NFAT5: variants seen among roughly 807,000 people sequenced by gnomAD.
NFAT5 encodes nuclear factor of activated T cells 5.
Under a neutral mutation model 166.5 loss-of-function variants are expected in NFAT5, and 31 were observed. That is an observed-to-expected ratio of 0.19 (90% CI 0.14 to 0.25). The LOEUF (loss-of-function observed/expected upper bound fraction) is 0.25, where lower values mean the gene tolerates loss of function less well. Ranked by LOEUF, NFAT5 falls within the 10% of genes least tolerant of loss-of-function variation. The probability of loss-of-function intolerance (pLI) is 1.00; values close to 1 mark genes in which losing one functional copy is unlikely to be tolerated. For missense variants in NFAT5, 1,449 were observed against 1,821.8 expected, an observed-to-expected ratio of 0.80 and a Z score of 3.72; for synonymous variants, 612 against 639.7, an observed-to-expected ratio of 0.96 and a Z score of 0.65.
At chr16:69,611,482 TTGTC>T (rs2033700400) in intron 2 of NFAT5, among the ~76,000 whole-genome samples, 1 of 152,220 alleles carries the variant, frequency 6.6e-6, no homozygotes, top group Non-Finnish European at 1.5e-5. Flanking sequence ...CTTAGTCTGT[TTGTC>T]AGCTATAACA....
intron 3 of NFAT5, among the ~76,000 whole-genome samples, chr16:69,644,604 A>G (rs1315750807): frequency 1.3e-5 from 2 of 152,206 alleles, no homozygotes; most frequent in Non-Finnish European, 2.9e-5. Flanking sequence ...ACACACACTT[A>G]TGTCTGACTG....
chr16:69,622,687 T>G (rs1264153197), intron 2 of NFAT5, among the ~76,000 whole-genome samples: 1 of 152,178 alleles, frequency 6.6e-6, no homozygotes, highest in Non-Finnish European at 1.5e-5. Context: ...GAAATGGAGA[T>G]AAAATCCTGA....
At chr16:69,694,479 T>A (rs536646086) in intron 13 of NFAT5, among the ~76,000 whole-genome samples, 2 of 152,288 alleles carry the variant, frequency 1.3e-5, no homozygotes, top group Admixed American at 1.3e-4. Flanking sequence ...GGTGTTGAAT[T>A]TTTGACCTCA....
Position 69,692,329 on chromosome 16 carries a change from A to G in NFAT5, c.2504A>G (p.Asp835Gly), listed in dbSNP as rs1335921240. ...QLSSVLFSAP[D>G]GNENVQEQLS... ...TCTTCAGTTTTATTTTCTGCTCCAG[A>G]TGGTAATGAGAATGTTCAAGAGCAG... The change falls in exon 13 of 15, where the codon GAT becomes GGT. Residue 835 changes from aspartate to glycine, a missense_variant. Asp to Gly is a moderately conservative substitution (Grantham distance 94). This residue lies in a region of NFAT5 where 891 missense variants were observed against 993.0 expected (regional missense o/e 0.90). Transcript: ENST00000349945. 6.8e-6 allele frequency: 11 copies of G among 1,614,184 alleles called. No homozygotes were observed. The highest frequency in any genetic ancestry group is 8.5e-6 in the Non-Finnish European group (10 of 1,180,040).
chr16:69,650,607 T>C (rs1224774493), intron 4 of NFAT5, among the ~76,000 whole-genome samples: 1 of 152,156 alleles, frequency 6.6e-6, no homozygotes, highest in Non-Finnish European at 1.5e-5. Flanking sequence ...CTAGCATAAG[T>C]GAGTATAAAA....
chr16:69,566,340 A>C lies in NFAT5; in HGVS notation c.39A>C (p.Leu13=), dbSNP rs373280302. 170 of 1,607,140 alleles carry C rather than the reference A, an allele frequency of 1.1e-4. No homozygotes were observed. The highest frequency in any genetic ancestry group is 1.6e-4 in the Middle Eastern group (1 of 6,062). The part of the protein sequence containing the change: ...SDFISLLSAD[L]DLESPKSLYS... ...TCATCTCATTGCTCAGCGCGGACCT[A>C]GACCTGGAATCGCCCAAGTCCCTCT... is the stretch of plus-strand genomic sequence containing the variant. Residue 13 remains leucine (L), a synonymous_variant, in exon 1 of 15, where the codon CTA becomes CTC. Transcript: ENST00000349945. This position sits in a 1 kb window ranked among gnomAD's most constrained non-coding sequence, Gnocchi z 5.7.
intron 2 of NFAT5, among the ~76,000 whole-genome samples, chr16:69,603,586 TA>T (rs1329329749): frequency 1.3e-5 from 2 of 151,772 alleles, no homozygotes; most frequent in Non-Finnish European, 1.5e-5. Flanking sequence ...ACCTCATCTC[TA>T]AAAAAAATAC....
intron 7 of NFAT5, 33 bp from the exon 8 acceptor site, chr16:69,669,944 T>G (rs755411505): frequency 6.6e-7 from 1 of 1,518,716 alleles, no homozygotes; most frequent in Non-Finnish European, 8.8e-7. Context: ...GTTTTGGTGG[T>G]TCTTCTTATA....
chr16:69,660,975 A>G (rs532421098), intron 7 of NFAT5, among the ~76,000 whole-genome samples: 3 of 151,384 alleles, frequency 2.0e-5, no homozygotes, highest in Admixed American at 2.0e-4. Context: ...GCACCTGGCT[A>G]ATTTTTGTAT....
Position 69,677,277 on chromosome 16 carries a change from A to G in NFAT5, c.1632A>G (p.Val544=), listed in dbSNP as rs753703839. The stretch of plus-strand genomic sequence containing the variant: ...TGCCTGTGTCAGTGGGAATATATGT[A>G]GTGACAAATGCTGGAAGATCTCATG... The part of the protein sequence containing the change: ...ITLPVSVGIY[V]VTNAGRSHDV... The change falls in exon 10 of 15, where the codon GTA becomes GTG. Residue 544 remains valine (V), a synonymous_variant. Coordinates refer to ENST00000349945, the MANE Select transcript of NFAT5 (RefSeq NM_138713.4). The G allele has an allele frequency of 2.3e-5, 37 of 1,612,230 alleles. No homozygotes were observed. Among genetic ancestry groups the G allele is most frequent in the South Asian group, 5.5e-5 (5 of 90,616 alleles).
chr16:69,604,821 T>C (rs886318404), intron 2 of NFAT5, among the ~76,000 whole-genome samples: 1 of 152,202 alleles, frequency 6.6e-6, no homozygotes, highest in Non-Finnish European at 1.5e-5. Flanking sequence ...TGACCTCTTA[T>C]GTTTGGCTTC....
intron 9 of NFAT5, among the ~76,000 whole-genome samples, chr16:69,675,195 A>T (rs775776242): frequency 1.3e-5 from 2 of 152,270 alleles, no homozygotes; most frequent in Admixed American, 6.5e-5. Flanking sequence ...GTAGAGTAAA[A>T]GTATTTTGAT....
In NFAT5 at chr16:69,566,393, G is replaced by A; in HGVS notation, c.73+19G>A. 3 of 1,548,964 alleles carry A rather than the reference G, an allele frequency of 1.9e-6. No homozygotes were observed. The highest frequency in any genetic ancestry group is 2.6e-6 in the Non-Finnish European group (3 of 1,135,318). ...TCGCGAGGTGAGTCAGGCTGTGGGG[G>A]GTGGGGCGTGGGGGCGGGGAGACAG... On this transcript the variant is annotated intron_variant, in intron 1 of 14. Coordinates refer to ENST00000349945, the MANE Select transcript of NFAT5 (RefSeq NM_138713.4). The surrounding 1 kb of genome is among the most constrained non-coding windows in gnomAD (Gnocchi z 5.7).
intron 2 of NFAT5, among the ~76,000 whole-genome samples, chr16:69,571,206 A>T (rs1189617338): frequency 6.8e-6 from 1 of 147,614 alleles, no homozygotes; most frequent in Non-Finnish European, 1.5e-5. Context: ...CGCGATGCTG[A>T]GGCAGGAGAA....
chr16:69,622,832 GAAA>G (rs11347776), intron 2 of NFAT5, among the ~76,000 whole-genome samples: 12 of 144,382 alleles, frequency 8.3e-5, no homozygotes, highest in South Asian at 2.2e-4. Context: ...TTTTGTTTGG[GAAA>G]AAAAAAAAAA....
Position 69,684,873 on chromosome 16 carries a change from CTTTT to C in NFAT5, c.1691-9_1691-6del. The stretch of plus-strand genomic sequence containing the variant: ...AGTAAATGTAGATAAATACATTAAT[CTTTT>C]TTTTAATAGCAGCAGCTGGTGCTTT... On this transcript the variant is annotated splice_polypyrimidine_tract_variant and intron_variant, in intron 10 of 14. Transcript: ENST00000349945. The C allele has an allele frequency of 3.2e-6, 5 of 1,569,766 alleles. No homozygotes were observed. Among genetic ancestry groups the C allele is most frequent in the Non-Finnish European group, 4.3e-6 (5 of 1,154,172 alleles).
At chr16:69,682,469 A>G (rs947593677) in intron 10 of NFAT5, among the ~76,000 whole-genome samples, 1 of 148,962 alleles carries the variant, frequency 6.7e-6, no homozygotes, top group African/African-American at 2.4e-5. Context: ...AAAAAATAAT[A>G]CTAAGCTGAG....
intron 9 of NFAT5, among the ~76,000 whole-genome samples, chr16:69,675,453 G>A (rs2036794096): frequency 6.6e-6 from 1 of 152,190 alleles, no homozygotes; most frequent in Non-Finnish European, 1.5e-5. Context: ...TTAGAAGTTA[G>A]ATCAATACCA....
chr16:69,589,486 A>G (rs1391633457), intron 2 of NFAT5, among the ~76,000 whole-genome samples: 1 of 152,224 alleles, frequency 6.6e-6, no homozygotes, highest in Non-Finnish European at 1.5e-5. Flanking sequence ...AAATGACAAT[A>G]AAACCTCAAC....
Sources: gnomAD v4.1 joint callset for allele counts (sites outside exome capture counted in the v4.1 genomes callset) on GRCh38, gnomAD v4.1.1 for gene constraint, gnomAD v4.1.1 regional missense constraint, Gnocchi (gnomAD v3.1) non-coding constraint, MANE v1.5 for transcripts, NCBI Gene and HGNC (gene_info 2026-07-23, HGNC 2026-07-21) for gene names.